Variants in TTC39C observed in about 807,000 individuals in gnomAD.
TTC39C encodes tetratricopeptide repeat domain 39C, also known as tetratricopeptide repeat protein 39C.
Under a neutral mutation model 76.3 loss-of-function variants are expected in TTC39C, and 33 were observed. That is an observed-to-expected ratio of 0.43 (90% CI 0.33 to 0.58). The LOEUF is 0.58. Among genes scored for constraint, TTC39C ranks in the 20% least tolerant of loss-of-function variants. The probability of loss-of-function intolerance (pLI) is 0.04; values close to 1 mark genes in which losing one functional copy is unlikely to be tolerated. For synonymous variants in TTC39C, 254 were observed against 260.6 expected, an observed-to-expected ratio of 0.97 and a Z score of 0.24; for missense variants, 595 against 701.4, an observed-to-expected ratio of 0.85 and a Z score of 1.71.
intron 1 of TTC39C, among the ~76,000 whole-genome samples, chr18:24,029,985 A>C (rs11082894): frequency 6.6e-6 from 1 of 152,142 alleles, no homozygotes; most frequent in Non-Finnish European, 1.5e-5. Context: ...TGTCTTTTTC[A>C]TATAATGACT....
chr18:24,095,202 T>A (rs1186166404), intron 6 of TTC39C, among the ~76,000 whole-genome samples: 1 of 152,242 alleles, frequency 6.6e-6, no homozygotes, highest in Non-Finnish European at 1.5e-5. Context: ...GGGCTTTTCT[T>A]CTACAGCTTC....
At position 24,030,970 on chromosome 18, in the gene TTC39C, G is replaced by T. The variant is rs1187177013; in HGVS notation, c.167+15932G>T. Among the ~76,000 whole-genome samples, 80 of 149,054 alleles carry T rather than the reference G, an allele frequency of 5.4e-4. 2 individuals are homozygous for T. The highest frequency in any genetic ancestry group is 1.0e-4 in the Non-Finnish European group (7 of 67,374). On this transcript the variant is annotated intron_variant, in intron 1 of 13. Transcript: ENST00000317571. Reference sequence around the variant, plus strand: ...TTTTTGTTTTTGTTTTTGAGACAGGGTCTTACTCTGTTGCCCAGGCTGGAG... The same window carrying T: ...TTTTTGTTTTTGTTTTTGAGACAGGTTCTTACTCTGTTGCCCAGGCTGGAG...
chr18:24,020,807 T>C (rs1283814191), intron 1 of TTC39C, among the ~76,000 whole-genome samples: 2 of 152,226 alleles, frequency 1.3e-5, no homozygotes, highest in Non-Finnish European at 2.9e-5. Context: ...GGGCTGACTG[T>C]ATTGTATTAA....
chr18:24,109,974 G>A (rs1363489252), intron 6 of TTC39C, among the ~76,000 whole-genome samples: 1 of 152,076 alleles, frequency 6.6e-6, no homozygotes, highest in Non-Finnish European at 1.5e-5. Flanking sequence ...TCACGCCACT[G>A]CACTCAAGCC....
intron 1 of TTC39C, among the ~76,000 whole-genome samples, chr18:24,028,797 A>G (rs2083628428): frequency 6.6e-6 from 1 of 151,490 alleles, no homozygotes; most frequent in African/African-American, 2.4e-5. Flanking sequence ...ATCTCGGCTC[A>G]CTGCAACCTC....
chr18:24,129,111 T>A (rs1435713803), intron 11 of TTC39C, 128 bp downstream of exon 11: 2 of 595,904 alleles, frequency 3.4e-6, no homozygotes, highest in East Asian at 6.5e-5. Context: ...TATCCAATTA[T>A]TTGATTAATG....
intron 6 of TTC39C, among the ~76,000 whole-genome samples, chr18:24,109,174 T>TAAAAAAAAA (rs2084780812): frequency 3.7e-5 from 1 of 27,164 alleles, no homozygotes; most frequent in African/African-American, 4.0e-4. Context: ...CTCCCGTCTC[T>TAAAAAAAAA]ACAAAAAAAA....
chr18:24,066,616 A>G (rs1183856561), intron 3 of TTC39C, among the ~76,000 whole-genome samples: 1 of 152,204 alleles, frequency 6.6e-6, no homozygotes, highest in African/African-American at 2.4e-5. Context: ...GTGCTAGGCT[A>G]TGGAGAGGCA....
chr18:24,041,631 G>A (rs1160910289), intron 1 of TTC39C, among the ~76,000 whole-genome samples: 10 of 152,148 alleles, frequency 6.6e-5, no homozygotes, highest in Admixed American at 6.5e-4. Context: ...CTGTTGCCCT[G>A]ATTTGCTTTA....
chr18:24,082,154 A>G (rs1348481422), intron 5 of TTC39C, among the ~76,000 whole-genome samples: 2 of 151,442 alleles, frequency 1.3e-5, no homozygotes, highest in Admixed American at 1.3e-4. Flanking sequence ...CCAAGTAGCT[A>G]GGATTACAAA....
intron 6 of TTC39C, among the ~76,000 whole-genome samples, chr18:24,105,315 G>C (rs1366916081): frequency 6.6e-6 from 1 of 152,192 alleles, no homozygotes; most frequent in Non-Finnish European, 1.5e-5. Flanking sequence ...AAAACATTCA[G>C]TGTGAATAAA....
chr18:24,046,110 T>C (rs1568417679), intron 1 of TTC39C, among the ~76,000 whole-genome samples: 1 of 151,218 alleles, frequency 6.6e-6, no homozygotes, highest in African/African-American at 2.4e-5. Flanking sequence ...AGCTAATTTT[T>C]TGTATTTTTA....
intron 1 of TTC39C, among the ~76,000 whole-genome samples, chr18:23,996,891 C>T (rs965213862): frequency 4.6e-5 from 7 of 151,984 alleles, no homozygotes; most frequent in African/African-American, 1.7e-4. Flanking sequence ...GGGTGGATCA[C>T]AAGGTCAGAA....
intron 10 of TTC39C, among the ~76,000 whole-genome samples, chr18:24,128,401 C>T (rs1423462990): frequency 6.7e-6 from 1 of 149,712 alleles, no homozygotes; most frequent in African/African-American, 2.4e-5. Flanking sequence ...TTCTCTCTTT[C>T]TATCTATATA....
intron 1 of TTC39C, among the ~76,000 whole-genome samples, chr18:24,049,014 A>G (rs1324996282): frequency 1.3e-5 from 2 of 152,224 alleles, no homozygotes; most frequent in Non-Finnish European, 2.9e-5. Flanking sequence ...AAAATTTTAT[A>G]ATTATGATAG....
rs185689186 is a variant in TTC39C at position 24,054,881 on chromosome 18, A to G, written c.168-9259A>G. Among the ~76,000 whole-genome samples the G allele has an allele frequency of 1.3e-3, 198 of 152,234 alleles. 2 individuals are homozygous for G. Among genetic ancestry groups the G allele is most frequent in the Non-Finnish European group, 1.3e-3 (88 of 68,004 alleles). On this transcript the variant is annotated intron_variant, in intron 1 of 13. Transcript: ENST00000317571. ...GCAAAACTCCAACTCTGTGTCCATT[A>G]AAGAATGGCTCCCCATTCCTTTCCC...
chr18:24,109,430 G>A (rs9955228), intron 6 of TTC39C, among the ~76,000 whole-genome samples: 30,113 of 151,914 alleles, frequency 0.2, 3,449 homozygotes, highest in South Asian at 0.34. Context: ...TCAAACTTGT[G>A]TTGATTATAA....
intron 7 of TTC39C, 59 bp from the exon 8 acceptor site, chr18:24,118,066 A>C: frequency 3.6e-6 from 5 of 1,399,494 alleles, no homozygotes; most frequent in Non-Finnish European, 4.9e-6. Flanking sequence ...TCGTGGCTTA[A>C]ATATGGGTCA....
intron 11 of TTC39C, among the ~76,000 whole-genome samples, chr18:24,129,195 T>G (rs2085090831): frequency 6.6e-6 from 1 of 152,194 alleles, no homozygotes; most frequent in Non-Finnish European, 1.5e-5. Context: ...TTAGAATGCT[T>G]CTTTATATAT....
Sources: allele counts gnomAD v4.1 joint callset (sites outside exome capture counted in the v4.1 genomes callset), GRCh38; gene constraint gnomAD v4.1.1; transcripts MANE v1.5; gene names NCBI Gene and HGNC (gene_info 2026-07-23, HGNC 2026-07-21).